SMIM36: variants seen among roughly 807,000 people sequenced by gnomAD.
The protein encoded by SMIM36 is small integral membrane protein 36.
intron 3 of SMIM36, among the ~76,000 whole-genome samples, chr17:55,477,407 T>A (rs542229809): frequency 2.0e-5 from 3 of 152,280 alleles, no homozygotes; most frequent in Admixed American, 6.5e-5. Context: ...CACATGGCTG[T>A]CTTCTCCCTG....
chr17:55,467,901 G>A (rs949096652), intron 3 of SMIM36, among the ~76,000 whole-genome samples: 4 of 151,904 alleles, frequency 2.6e-5, no homozygotes, highest in African/African-American at 9.7e-5. Context: ...ATTTGTTCCC[G>A]CCCCACCCTA....
At chr17:55,451,294 G>A (rs1217048270) in intron 4 of SMIM36, among the ~76,000 whole-genome samples, 4 of 152,160 alleles carry the variant, frequency 2.6e-5, no homozygotes, top group African/African-American at 7.2e-5. Flanking sequence ...TTTTCTACCA[G>A]TGTCTCCATC....
At chr17:55,514,733 A>G (rs1335928947), upstream of SMIM36, among the ~76,000 whole-genome samples, 1 of 152,220 alleles carries the variant, frequency 6.6e-6, no homozygotes. Context: ...ATATTACTTA[A>G]TAATACCAGA....
intron 1 of SMIM36, among the ~76,000 whole-genome samples, chr17:55,482,989 C>T (rs2143279161): frequency 6.6e-6 from 1 of 152,342 alleles, no homozygotes; most frequent in Middle Eastern, 3.4e-3. Flanking sequence ...AGTCTAATAA[C>T]ATATTTGTGT....
chr17:55,475,759 T>C (rs1004275028), intron 3 of SMIM36, among the ~76,000 whole-genome samples: 2 of 152,146 alleles, frequency 1.3e-5, no homozygotes, highest in African/African-American at 4.8e-5. Flanking sequence ...TAATAACTGT[T>C]TTCCTCCCTC....
chr17:55,497,655 G>A (rs1909832987), intron 1 of SMIM36, among the ~76,000 whole-genome samples: 1 of 152,104 alleles, frequency 6.6e-6, no homozygotes, highest in Non-Finnish European at 1.5e-5. Context: ...GAACCCAGGA[G>A]TTCAAGACCA....
chr17:55,467,570 G>A lies in SMIM36; in HGVS notation c.*348-242C>T, dbSNP rs576520474. Among the ~76,000 whole-genome samples, 16 of 152,132 alleles carry A rather than the reference G, an allele frequency of 1.1e-4. No individual in the cohort carries two copies. The South Asian group carries it at 3.3e-3, about 32-fold the overall frequency. ...GGCCACCATGCCCAGCTAATTTTTTGTATTTTTAGTAGAGACGGGGTTTCA... is the reference window on the plus strand; with the variant it reads ...GGCCACCATGCCCAGCTAATTTTTTATATTTTTAGTAGAGACGGGGTTTCA... On this transcript the variant is annotated intron_variant, in intron 3 of 4. Transcript: ENST00000636752.
chr17:55,501,401 T>TTATC lies in SMIM36; in HGVS notation c.*174+9477_*174+9478insGATA, dbSNP rs1462289068. Among the ~76,000 whole-genome samples the TTATC allele has an allele frequency of 6.1e-4, 11 of 18,178 alleles. 2 individuals are homozygous for TTATC. The highest frequency in any genetic ancestry group is 3.6e-3 in the African/African-American group (11 of 3,050). 11.9% of individuals were successfully genotyped at this position (18,178 alleles called of 152,430 possible). A position where few individuals can be genotyped will look rare whatever the true frequency, so the allele number is the denominator to read the frequency against. ...ATTATAGAATATAATATATTATATA[T>TTATC]TATTATATATTATAAAATATAATAT... On this transcript the variant is annotated intron_variant, in intron 1 of 4. Coordinates refer to ENST00000636752, the Ensembl canonical transcript of SMIM36.
At chr17:55,508,382 C>G (rs1032030736) in intron 1 of SMIM36, among the ~76,000 whole-genome samples, 9 of 145,636 alleles carry the variant, frequency 6.2e-5, no homozygotes, top group Non-Finnish European at 1.3e-4. Context: ...TATATTCTCT[C>G]TATATATTCC....
chr17:55,483,774 T>C (rs774351934), intron 1 of SMIM36, among the ~76,000 whole-genome samples: 1 of 152,104 alleles, frequency 6.6e-6, no homozygotes. Context: ...GCTGGGATGA[T>C]GTGTGTGTAC....
At chr17:55,466,877 C>T (rs1278766735) in intron 4 of SMIM36, among the ~76,000 whole-genome samples, 2 of 152,170 alleles carry the variant, frequency 1.3e-5, no homozygotes, top group South Asian at 2.1e-4. Flanking sequence ...TGACTTGCTC[C>T]GTGTAAGTGC....
Position 55,475,391 on chromosome 17 carries a change from C to T in SMIM36, c.*347+3371G>A, listed in dbSNP as rs61139199. Among the ~76,000 whole-genome samples the T allele has an allele frequency of 9.1e-3, 1,389 of 152,268 alleles. 17 individuals carry two copies. The highest frequency in any genetic ancestry group is 0.024 in the African/African-American group (985 of 41,542). ...TTACTTTTATACTCACTCTTATTCT[C>T]ATTCCCGTTCTTATGCCACCCTCTA... is the stretch of plus-strand genomic sequence containing the variant. On this transcript the variant is annotated intron_variant, in intron 3 of 4. Coordinates refer to ENST00000636752, the Ensembl canonical transcript of SMIM36.
At chr17:55,467,038 C>T (rs1458933221) in intron 4 of SMIM36, 107 bp downstream of exon 4, 6 of 152,074 alleles carry the variant, frequency 3.9e-5, no homozygotes, top group African/African-American at 9.7e-5. Context: ...AACTGCAATT[C>T]GTTACACTCA....
chr17:55,486,128 G>A (rs928975650), intron 1 of SMIM36, among the ~76,000 whole-genome samples: 2 of 151,034 alleles, frequency 1.3e-5, no homozygotes, highest in African/African-American at 2.4e-5. Flanking sequence ...CTCGCCTCCC[G>A]GGTTCAAGTG....
intron 1 of SMIM36, among the ~76,000 whole-genome samples, chr17:55,508,766 T>C (rs1039166090): frequency 3.3e-5 from 5 of 151,568 alleles, no homozygotes; most frequent in Non-Finnish European, 7.4e-5. Flanking sequence ...CTACTAAAAA[T>C]ACAAAAATTA....
intron 3 of SMIM36, among the ~76,000 whole-genome samples, chr17:55,478,221 T>C (rs916313058): frequency 7.3e-5 from 11 of 151,482 alleles, no homozygotes; most frequent in Middle Eastern, 3.4e-3. Context: ...TGTTGTTACG[T>C]TGTGGGGAGG....
the SMIM36 span, among the ~76,000 whole-genome samples, chr17:55,531,497 C>G: frequency 6.6e-6 from 1 of 152,162 alleles, no homozygotes. Flanking sequence ...GGCCCTACCC[C>G]CTAGTAGTGT....
upstream of SMIM36, among the ~76,000 whole-genome samples, chr17:55,516,164 A>G (rs973886346): frequency 2.0e-5 from 1 of 50,210 alleles, no homozygotes; most frequent in African/African-American, 4.9e-5. Flanking sequence ...GAAGACACAG[A>G]AAAAAATATA....
chr17:55,480,103 G>A (rs1049272823), intron 1 of SMIM36, among the ~76,000 whole-genome samples: 2 of 152,088 alleles, frequency 1.3e-5, no homozygotes, highest in African/African-American at 4.8e-5. Context: ...CAGGAGCAGA[G>A]GTAGAACAGA....
Sources: allele counts gnomAD v4.1 joint callset (sites outside exome capture counted in the v4.1 genomes callset), GRCh38; gene constraint gnomAD v4.1.1; transcripts MANE v1.5; gene names NCBI Gene and HGNC (gene_info 2026-07-23, HGNC 2026-07-21).